DENND5A: variants seen among roughly 807,000 people sequenced by gnomAD.
The protein encoded by DENND5A is DENN domain containing 5A, also known as DENN domain-containing protein 5A.
DENND5A carries 64 observed loss-of-function variants against 140.3 expected under a neutral mutation model. The observed-to-expected ratio is 0.46, with a 90% CI of 0.37 to 0.56. The LOEUF is 0.56. Ranked by LOEUF, DENND5A falls within the 20% of genes least tolerant of loss-of-function variation. The probability of loss-of-function intolerance (pLI) is 0.00; values close to 1 mark genes in which losing one functional copy is unlikely to be tolerated. For missense variants in DENND5A, 1,292 were observed against 1,593.8 expected (o/e 0.81, Z 3.22); for synonymous variants, 605 against 607.7 (o/e 1.00, Z 0.07).
At chr11:9,261,684 G>C (rs146624734) in intron 1 of DENND5A, among the ~76,000 whole-genome samples, 5 of 149,476 alleles carry the variant, frequency 3.3e-5, no homozygotes, top group African/African-American at 4.9e-5. Flanking sequence ...GGGAGGCTGA[G>C]GCAGAATTGC....
chr11:9,158,105 G>C (rs1847869835), intron 12 of DENND5A, among the ~76,000 whole-genome samples: 3 of 152,106 alleles, frequency 2.0e-5, no homozygotes, highest in Admixed American at 2.0e-4. Flanking sequence ...TTAAAGTATG[G>C]CACATCTATA....
intron 1 of DENND5A, among the ~76,000 whole-genome samples, chr11:9,262,090 C>G (rs1226146628): frequency 1.3e-5 from 2 of 152,200 alleles, no homozygotes; most frequent in South Asian, 4.2e-4. Flanking sequence ...AGTAACATTT[C>G]TTTTTTAATG....
chr11:9,156,733 T>C (rs1847815161), intron 12 of DENND5A, among the ~76,000 whole-genome samples: 1 of 151,390 alleles, frequency 6.6e-6, no homozygotes, highest in Non-Finnish European at 1.5e-5. Context: ...ACTCAGGATG[T>C]GGAGGTTGCA....
intron 13 of DENND5A, among the ~76,000 whole-genome samples, chr11:9,151,634 G>A (rs1235630170): frequency 1.3e-5 from 2 of 152,052 alleles, no homozygotes; most frequent in Non-Finnish European, 2.9e-5. Context: ...CTGGCAGAGT[G>A]GAGAACAAAG....
chr11:9,227,045 G>C (rs960972086), intron 1 of DENND5A, among the ~76,000 whole-genome samples: 10 of 152,014 alleles, frequency 6.6e-5, no homozygotes, highest in Non-Finnish European at 1.2e-4. Flanking sequence ...GCACATGCCT[G>C]TAATCCCAGA....
chr11:9,186,961 G>A (rs1210325956), intron 5 of DENND5A, among the ~76,000 whole-genome samples: 1 of 152,158 alleles, frequency 6.6e-6, no homozygotes, highest in Non-Finnish European at 1.5e-5. Flanking sequence ...GTGTGTGCCT[G>A]TAATCCCAGC....
At chr11:9,188,133 C>T (rs962697127) in intron 5 of DENND5A, among the ~76,000 whole-genome samples, 8 of 152,132 alleles carry the variant, frequency 5.3e-5, no homozygotes, top group Admixed American at 6.5e-5. Context: ...TGAATCATGG[C>T]GGCAGGTCTT....
chr11:9,139,208 G>C lies in DENND5A; in HGVS notation c.*463C>G, dbSNP rs1160090464. The C allele has an allele frequency of 1.9e-5, 3 of 155,370 alleles. No individual in the cohort carries two copies. Among genetic ancestry groups the C allele is most frequent in the African/African-American group, 7.2e-5 (3 of 41,486 alleles). 9.6% of individuals were successfully genotyped at this position (155,370 alleles called of 1,614,324 possible). ...TAAAAATCCCTTTGATTGGAGCATG[G>C]GGCTTCCCGCGCAGCACACCTGTGT... On this transcript the variant is annotated 3_prime_UTR_variant, in exon 23 of 23. Transcript: ENST00000328194.
In DENND5A at chr11:9,170,789, TACACACACAC is replaced by T. The variant is rs10550560; in HGVS notation, c.1907-22_1907-13del. ...CTCAATTGCTTTCTCTGGATGAGAA[TACACACACAC>T]ACACACACACACACACACATAAATA... On this transcript the variant is annotated splice_polypyrimidine_tract_variant and intron_variant, in intron 8 of 22. Coordinates refer to ENST00000328194, the MANE Select transcript of DENND5A (RefSeq NM_015213.4). The T allele has an allele frequency of 2.1e-5, 33 of 1,582,928 alleles. No individual in the cohort carries two copies. Among genetic ancestry groups the T allele is most frequent in the African/African-American group, 2.8e-5 (2 of 72,644 alleles).
In DENND5A at chr11:9,144,145, G is replaced by C; in HGVS notation, c.3256C>G (p.Pro1086Ala). The stretch of plus-strand genomic sequence containing the variant: ...GTAACAAGCCTCCGGATGACACTGG[G>C]GGACTGCTGCAGCGGCGGGGTCCGG... ...PCRTPPLQQS[P>A]SVIRRLVTIS... Residue 1086 changes from proline (P) to alanine (A), a missense_variant, in exon 19 of 23, where the codon CCC becomes GCC. Coordinates refer to ENST00000328194, the MANE Select transcript of DENND5A (RefSeq NM_015213.4). 6.2e-7 allele frequency: 1 copy of C among 1,614,174 alleles called. No individual in the cohort carries two copies. Among genetic ancestry groups the C allele is most frequent in the Non-Finnish European group, 8.5e-7 (1 of 1,180,014 alleles).
chr11:9,176,506 T>C (rs896808678), intron 8 of DENND5A, among the ~76,000 whole-genome samples: 3 of 152,208 alleles, frequency 2.0e-5, no homozygotes, highest in African/African-American at 7.2e-5. Flanking sequence ...TTCAATCATT[T>C]GTGTAGATTA....
intron 10 of DENND5A, among the ~76,000 whole-genome samples, chr11:9,167,671 C>T (rs1038497512): frequency 1.8e-4 from 28 of 151,834 alleles, no homozygotes; most frequent in African/African-American, 2.9e-4. Flanking sequence ...GGAATGGTGG[C>T]GTGTGCCTGT....
chr11:9,239,188 A>G (rs1318056022), intron 1 of DENND5A, among the ~76,000 whole-genome samples: 1 of 151,444 alleles, frequency 6.6e-6, no homozygotes, highest in African/African-American at 2.4e-5. Context: ...AAAACTCAAC[A>G]TTTTATTTAT....
intron 3 of DENND5A, among the ~76,000 whole-genome samples, chr11:9,205,102 T>C (rs1367152819): frequency 6.6e-6 from 1 of 152,110 alleles, no homozygotes; most frequent in Non-Finnish European, 1.5e-5. Flanking sequence ...AACTTGTAAA[T>C]AGTATTGGAC....
rs767872600 is a variant in DENND5A, at chr11:9,178,905, T to C, written c.1624A>G (p.Lys542Glu). Residue 542 changes from lysine (K) to glutamate (E), a missense_variant, in exon 7 of 23, where the codon AAG becomes GAG. Lys to Glu is a moderately conservative substitution (Grantham distance 56). Coordinates refer to ENST00000328194, the MANE Select transcript of DENND5A (RefSeq NM_015213.4). ...EVFVIQPSQDKESWFTNREQM... is the reference protein window; with the variant it reads ...EVFVIQPSQDEESWFTNREQM... ...TCCCTGTTGGTAAACCAGGATTCCT[T>C]ATCCTGGCTGGGTTGGATGACAAAC... 1.9e-6 allele frequency: 3 copies of C among 1,614,146 alleles called. No individual in the cohort carries two copies. The highest frequency in any genetic ancestry group is 1.1e-5 in the South Asian group (1 of 91,080).
chr11:9,200,192 C>T lies in DENND5A; in HGVS notation c.949+3468G>A, dbSNP rs558399678. On this transcript the variant is annotated intron_variant, in intron 4 of 22. Coordinates refer to ENST00000328194, the MANE Select transcript of DENND5A (RefSeq NM_015213.4). ...ATCATCCTTTCCTTGCCTCTAAACA[C>T]CCCCAATGCCTAAAAGCCTACTGTA... Among the ~76,000 whole-genome samples the T allele has an allele frequency of 3.9e-5, 6 of 152,314 alleles. No homozygotes were observed. The South Asian group carries it at 6.2e-4, about 16-fold the overall frequency.
At chr11:9,215,712 T>C (rs1010709350) in intron 1 of DENND5A, among the ~76,000 whole-genome samples, 24 of 104,300 alleles carry the variant, frequency 2.3e-4, no homozygotes, top group African/African-American at 1.0e-3. Flanking sequence ...CATGCCCAGC[T>C]AATTGTTTTT....
chr11:9,179,658 C>T (rs548907613), intron 6 of DENND5A, among the ~76,000 whole-genome samples: 1 of 152,214 alleles, frequency 6.6e-6, no homozygotes, highest in Admixed American at 6.5e-5. Context: ...CGCCACCACG[C>T]CCGGCTAATT....
chr11:9,246,339 G>T (rs188340575), intron 1 of DENND5A, among the ~76,000 whole-genome samples: 1 of 152,088 alleles, frequency 6.6e-6, no homozygotes. Flanking sequence ...AGGGCCAGGT[G>T]GGGTGGCTCA....
Sources: allele counts gnomAD v4.1 joint callset (sites outside exome capture counted in the v4.1 genomes callset), GRCh38; gene constraint gnomAD v4.1.1; transcripts MANE v1.5; gene names NCBI Gene and HGNC (gene_info 2026-07-23, HGNC 2026-07-21).